The following ARHGEF28 variants were observed in gnomAD, a reference collection of about 807,000 sequenced individuals.
ARHGEF28 encodes the protein Rho guanine nucleotide exchange factor 28.
A neutral mutation model predicts 206.6 loss-of-function variants in ARHGEF28; 152 were observed. That is an observed-to-expected ratio of 0.74 (90% CI 0.64 to 0.84). The LOEUF (loss-of-function observed/expected upper bound fraction) is 0.84, where lower values mean the gene tolerates loss of function less well. Among genes scored for constraint, ARHGEF28 ranks in the 40% least tolerant of loss-of-function variants. ARHGEF28 has a pLI of 0.00. For missense variants in ARHGEF28, 2,028 were observed against 2,073.2 expected, an observed-to-expected ratio of 0.98 and a Z score of 0.42; for synonymous variants, 763 against 776.4, an observed-to-expected ratio of 0.98 and a Z score of 0.29.
intron 4 of ARHGEF28, among the ~76,000 whole-genome samples, chr5:73,755,295 T>C (rs1470189916): frequency 1.3e-5 from 2 of 150,208 alleles, no homozygotes; most frequent in African/African-American, 2.4e-5. Flanking sequence ...TTTCTAACTA[T>C]AATATTGGAA....
intron 31 of ARHGEF28, chr5:73,902,907 C>G (rs533069953): frequency 2.0e-5 from 3 of 152,304 alleles, no homozygotes; most frequent in South Asian, 2.1e-4. Context: ...ACTACAGAAG[C>G]AGTGGAGTGT....
chr5:73,818,106 G>A (rs891218118), intron 9 of ARHGEF28, among the ~76,000 whole-genome samples: 1 of 152,144 alleles, frequency 6.6e-6, no homozygotes, highest in African/African-American at 2.4e-5. Context: ...GGGAAAAGAG[G>A]GGGCTGGGAG....
chr5:73,791,353 G>A (rs1266930032), intron 7 of ARHGEF28, among the ~76,000 whole-genome samples: 1 of 152,224 alleles, frequency 6.6e-6, no homozygotes, highest in Non-Finnish European at 1.5e-5. Context: ...CCATCAGGGT[G>A]TTTTTCTGAC....
At chr5:73,887,390 G>A in intron 25 of ARHGEF28, 1 of 374,724 alleles carries the variant, frequency 2.7e-6, no homozygotes, top group Non-Finnish European at 4.7e-6. Context: ...AAACTTTGCT[G>A]GAGATTTACC....
intron 1 of ARHGEF28, among the ~76,000 whole-genome samples, chr5:73,650,164 C>T (rs1744710373): frequency 6.6e-6 from 1 of 151,934 alleles, no homozygotes; most frequent in Non-Finnish European, 1.5e-5. Flanking sequence ...GTTAAAGTGG[C>T]TCATGTAAGC....
intron 22 of ARHGEF28, among the ~76,000 whole-genome samples, chr5:73,874,609 C>T (rs1760334239): frequency 1.5e-5 from 2 of 137,916 alleles, no homozygotes; most frequent in Non-Finnish European, 3.1e-5. Flanking sequence ...TGATGATCCC[C>T]TTCCAGTGTC....
At chr5:73,780,606 T>G in intron 6 of ARHGEF28, 70 bp from the exon 7 acceptor site, 2 of 1,448,432 alleles carry the variant, frequency 1.4e-6, no homozygotes, top group Non-Finnish European at 1.9e-6. Context: ...TTTTGCCTCT[T>G]TGTTGTATAT....
chr5:73,781,742 A>C (rs559679968), intron 7 of ARHGEF28, among the ~76,000 whole-genome samples: 1 of 152,308 alleles, frequency 6.6e-6, no homozygotes, highest in African/African-American at 2.4e-5. Flanking sequence ...GCATTGAAAT[A>C]CATATTATCT....
rs780535372 is a variant in ARHGEF28 at position 73,867,981 on chromosome 5, A to C, written c.2258A>C (p.His753Pro). The C allele has an allele frequency of 6.2e-7, 1 of 1,614,010 alleles. No individual in the cohort carries two copies. Among genetic ancestry groups the C allele is most frequent in the Non-Finnish European group, 8.5e-7 (1 of 1,179,874 alleles). Reference sequence around the variant, plus strand: ...AGGAGGGAGACTGTGGGACAGGTCCATCCATTGTCCAGAAGTGTTCCAGGC... The same window carrying C: ...AGGAGGGAGACTGTGGGACAGGTCCCTCCATTGTCCAGAAGTGTTCCAGGC... ...TGRRETVGQVHPLSRSVPGTT... is the reference protein window; with the variant it reads ...TGRRETVGQVPPLSRSVPGTT... Residue 753 changes from histidine to proline, a missense_variant, in exon 19 of 36, where the codon CAT becomes CCT. His to Pro is a moderately conservative substitution (Grantham distance 77, BLOSUM62 -2). Around this residue, in one of 3 missense-constraint regions of ARHGEF28, gnomAD observed 1,002 missense variants for 1,015.3 expected, o/e 0.99. Transcript: ENST00000513042.
chr5:73,849,578 AT>A (rs1483263908), intron 13 of ARHGEF28, among the ~76,000 whole-genome samples: 1 of 151,982 alleles, frequency 6.6e-6, no homozygotes, highest in Admixed American at 6.6e-5. Flanking sequence ...ATATCTCAAC[AT>A]TTTTTTGGTG....
chr5:73,635,655 A>G (rs1561299656), intron 1 of ARHGEF28, among the ~76,000 whole-genome samples: 2 of 152,164 alleles, frequency 1.3e-5, no homozygotes, highest in Non-Finnish European at 1.5e-5. Context: ...CTCCTTTTTT[A>G]TTATCAGAAA....
intron 2 of ARHGEF28, among the ~76,000 whole-genome samples, chr5:73,708,363 A>T (rs2112302504): frequency 6.6e-6 from 1 of 151,854 alleles, no homozygotes; most frequent in Middle Eastern, 3.4e-3. Context: ...CTTTCTCCCC[A>T]CCTTAATAAT....
chr5:73,886,446 C>T (rs1761303210), intron 25 of ARHGEF28, among the ~76,000 whole-genome samples: 1 of 152,182 alleles, frequency 6.6e-6, no homozygotes, highest in Admixed American at 6.5e-5. Flanking sequence ...CACCTACACA[C>T]CTAGGGTCTG....
At chr5:73,892,253 A>C (rs1761687928) in intron 27 of ARHGEF28, 23 bp downstream of exon 27, 1 of 1,549,584 alleles carries the variant, frequency 6.5e-7, no homozygotes, top group East Asian at 2.4e-5. Context: ...TCCGTCCATA[A>C]TCTATGGAAC....
At chr5:73,805,020 C>A (rs568355995) in intron 9 of ARHGEF28, among the ~76,000 whole-genome samples, 149 of 152,162 alleles carry the variant, frequency 9.8e-4, no homozygotes, top group African/African-American at 3.3e-3. Context: ...TCTGTTCCCC[C>A]CATTACTTAT....
intron 10 of ARHGEF28, among the ~76,000 whole-genome samples, chr5:73,836,379 T>C (rs988616996): frequency 1.3e-5 from 2 of 151,756 alleles, no homozygotes; most frequent in African/African-American, 4.8e-5. Flanking sequence ...GTAGTTTTGT[T>C]CATTTTTCTG....
chr5:73,749,647 A>G (rs1425161384), intron 2 of ARHGEF28, among the ~76,000 whole-genome samples, 190 bp from the exon 3 acceptor site: 1 of 152,218 alleles, frequency 6.6e-6, no homozygotes, highest in Admixed American at 6.5e-5. Flanking sequence ...CCATACCTAA[A>G]TACATCAGGA....
In ARHGEF28 at chr5:73,941,162, T is replaced by C; in HGVS notation, c.*149T>C. ...TTCCTGGAAGCTCATTTTTTTGGCA[T>C]GAGTCTAATTAAATTATTGAAAGCC... On this transcript the variant is annotated 3_prime_UTR_variant, in exon 36 of 36. Coordinates refer to ENST00000513042, the MANE Select transcript of ARHGEF28 (RefSeq NM_001177693.2). The C allele has an allele frequency of 2.7e-6, 2 of 731,956 alleles. No individual in the cohort carries two copies. The highest frequency in any genetic ancestry group is 3.8e-6 in the Non-Finnish European group (2 of 527,978). The allele number at this position is 731,956 out of a possible 1,614,324, so 45.3% of individuals were successfully genotyped here.
At chr5:73,784,037 GAAA>G (rs1349774254) in intron 7 of ARHGEF28, among the ~76,000 whole-genome samples, 2 of 151,948 alleles carry the variant, frequency 1.3e-5, no homozygotes, top group Middle Eastern at 3.4e-3. Context: ...AACTAAAGTG[GAAA>G]CATTCAATTA....
Sources: gnomAD v4.1 joint callset for allele counts (sites outside exome capture counted in the v4.1 genomes callset) on GRCh38, gnomAD v4.1.1 for gene constraint, gnomAD v4.1.1 regional missense constraint, MANE v1.5 for transcripts, NCBI Gene and HGNC (gene_info 2026-07-23, HGNC 2026-07-21) for gene names.